CSMD3: variants seen among roughly 807,000 people sequenced by gnomAD.
CSMD3 encodes CUB and Sushi multiple domains 3.
In CSMD3, 177 loss-of-function variants were observed where a neutral mutation model predicts 435.2. The ratio of observed to expected loss-of-function variants is 0.41; its 90% CI spans 0.36 to 0.46. The LOEUF (loss-of-function observed/expected upper bound fraction) is 0.46. CSMD3 is among the 20% of genes least tolerant of loss of function. The pLI is 0.34. For synonymous variants in CSMD3, 1,656 were observed against 1,520.5 expected, an observed-to-expected ratio of 1.09 and a Z score of -2.07; for missense variants, 4,265 against 4,504.6, an observed-to-expected ratio of 0.95 and a Z score of 1.52.
At chr8:112,897,688 C>G (rs897706048) in intron 10 of CSMD3, among the ~76,000 whole-genome samples, 6,842 of 89,150 alleles carry the variant, frequency 0.077, 329 homozygotes, top group African/African-American at 0.2. Flanking sequence ...CTCTCTCTCT[C>G]TCTCTCTGTG....
chr8:112,977,796 T>C (rs2084909042), intron 6 of CSMD3, among the ~76,000 whole-genome samples: 2 of 152,138 alleles, frequency 1.3e-5, no homozygotes, highest in African/African-American at 4.8e-5. Context: ...CAAGTTGTTT[T>C]GTGAATAACC....
intron 18 of CSMD3, 125 bp from the exon 19 acceptor site, chr8:112,650,474 T>G: frequency 2.5e-6 from 2 of 795,660 alleles, no homozygotes; most frequent in Non-Finnish European, 4.2e-6. Flanking sequence ...TCGTACTTCA[T>G]TTTTAAAATC....
At chr8:112,866,817 A>AT (rs2080998267) in intron 10 of CSMD3, among the ~76,000 whole-genome samples, 1 of 152,124 alleles carries the variant, frequency 6.6e-6, no homozygotes, top group African/African-American at 2.4e-5. Context: ...AGGCCATATT[A>AT]TTTTTTACTT....
chr8:112,459,037 A>C (rs1315388615), intron 32 of CSMD3, among the ~76,000 whole-genome samples: 2 of 151,922 alleles, frequency 1.3e-5, no homozygotes, highest in Non-Finnish European at 2.9e-5. Context: ...CCACTGCCTA[A>C]ATTAATCCCC....
intron 27 of CSMD3, among the ~76,000 whole-genome samples, chr8:112,521,827 A>C (rs1211709935): frequency 6.6e-6 from 1 of 151,826 alleles, no homozygotes; most frequent in Non-Finnish European, 1.5e-5. Flanking sequence ...GAAAGTAAAA[A>C]TGTAAAAAAT....
intron 1 of CSMD3, among the ~76,000 whole-genome samples, chr8:113,402,622 T>G (rs1477611079): frequency 6.6e-6 from 1 of 151,298 alleles, no homozygotes; most frequent in Non-Finnish European, 1.5e-5. Flanking sequence ...TCATCATGAT[T>G]ATTATTCTCA....
At chr8:112,401,044 T>TA (rs1349294511) in intron 35 of CSMD3, among the ~76,000 whole-genome samples, 1 of 151,832 alleles carries the variant, frequency 6.6e-6, no homozygotes, top group East Asian at 1.9e-4. Flanking sequence ...CTGTCTCCAG[T>TA]AAAAATACAA....
chr8:112,884,158 C>T (rs937986345), intron 10 of CSMD3, among the ~76,000 whole-genome samples: 2 of 151,876 alleles, frequency 1.3e-5, no homozygotes, highest in Admixed American at 6.6e-5. Context: ...CTGCACTGAG[C>T]TATTCAAGAT....
intron 10 of CSMD3, among the ~76,000 whole-genome samples, chr8:112,875,667 G>A (rs915640704): frequency 2.6e-5 from 4 of 151,822 alleles, no homozygotes; most frequent in African/African-American, 9.7e-5. Flanking sequence ...ATTTCATTAA[G>A]TTGATCTTCA....
chr8:112,949,468 T>C (rs1032600000), intron 8 of CSMD3, among the ~76,000 whole-genome samples: 3 of 152,020 alleles, frequency 2.0e-5, no homozygotes, highest in South Asian at 2.1e-4. Context: ...TTGAAAGGCA[T>C]TGGCTCACAA....
intron 5 of CSMD3, among the ~76,000 whole-genome samples, chr8:113,032,260 G>A (rs914895422): frequency 6.6e-6 from 1 of 151,562 alleles, no homozygotes; most frequent in African/African-American, 2.4e-5. Flanking sequence ...CAGAAGACAC[G>A]TAGATGTAGA....
At chr8:113,133,423 A>C (rs1223049858) in intron 4 of CSMD3, among the ~76,000 whole-genome samples, 1 of 152,174 alleles carries the variant, frequency 6.6e-6, no homozygotes, top group East Asian at 1.9e-4. Context: ...ATCAAAGCAA[A>C]AAATAACAAG....
At chr8:113,288,150 T>G (rs540364124) in intron 2 of CSMD3, among the ~76,000 whole-genome samples, 1 of 151,834 alleles carries the variant, frequency 6.6e-6, no homozygotes, top group Non-Finnish European at 1.5e-5. Flanking sequence ...TATTCTTAAC[T>G]ATTTGTGTAA....
At chr8:112,921,036 T>C (rs7822398) in intron 10 of CSMD3, among the ~76,000 whole-genome samples, 9,178 of 93,876 alleles carry the variant, frequency 0.098, 406 homozygotes, top group Admixed American at 0.17. Flanking sequence ...CACACACACA[T>C]ATATATACCT....
chr8:112,254,050 T>C (rs1815536652), intron 63 of CSMD3, among the ~76,000 whole-genome samples: 1 of 152,018 alleles, frequency 6.6e-6, no homozygotes, highest in African/African-American at 2.4e-5. Context: ...TATTTTTATG[T>C]TCCAGTTAGG....
At chr8:112,907,436 A>T (rs985364268) in intron 10 of CSMD3, among the ~76,000 whole-genome samples, 1 of 151,524 alleles carries the variant, frequency 6.6e-6, no homozygotes, top group Non-Finnish European at 1.5e-5. Context: ...TCCCAGTTCC[A>T]GCACATATAA....
At chr8:113,202,119 A>G (rs2092721874) in intron 3 of CSMD3, among the ~76,000 whole-genome samples, 1 of 152,112 alleles carries the variant, frequency 6.6e-6, no homozygotes, top group Admixed American at 6.6e-5. Context: ...TTGACTTCAT[A>G]TTCATTCTAT....
chr8:112,374,567 T>C (rs931922291), intron 38 of CSMD3, among the ~76,000 whole-genome samples: 2 of 152,196 alleles, frequency 1.3e-5, no homozygotes, highest in Non-Finnish European at 2.9e-5. Flanking sequence ...TAAATTATGA[T>C]TTGATAAAAT....
At position 112,424,264 on chromosome 8, in the gene CSMD3, C is replaced by G. The variant is rs557756433; in HGVS notation, c.5396-15232G>C. The stretch of plus-strand genomic sequence containing the variant: ...TATGATTGCAAAAAACAACAACAAC[C>G]TTATCTATTTACTAATTGGTTCCTA... On this transcript the variant is annotated intron_variant, in intron 32 of 70. Coordinates refer to ENST00000297405, the MANE Select transcript of CSMD3 (RefSeq NM_198123.2). 4.1e-4 allele frequency among the ~76,000 whole-genome samples: 63 copies of G among 152,218 alleles called. 1 individual carries two copies. Among genetic ancestry groups the G allele is most frequent in the Middle Eastern group, 6.8e-3 (2 of 292 alleles).
Sources: allele counts gnomAD v4.1 joint callset (sites outside exome capture counted in the v4.1 genomes callset), GRCh38; gene constraint gnomAD v4.1.1; transcripts MANE v1.5; gene names NCBI Gene and HGNC (gene_info 2026-07-23, HGNC 2026-07-21).